Variants in IQGAP2 observed in about 807,000 individuals in gnomAD.
IQGAP2 encodes the protein IQ motif containing GTPase activating protein 2.
Under a neutral mutation model 201.3 loss-of-function variants are expected in IQGAP2, and 173 were observed. The ratio of observed to expected loss-of-function variants is 0.86; its 90% CI spans 0.76 to 0.98. IQGAP2 has a LOEUF of 0.98. Among genes scored for constraint, IQGAP2 ranks in the 50% least tolerant of loss-of-function variants. The probability of loss-of-function intolerance (pLI) is 0.00; values close to 1 mark genes in which losing one functional copy is unlikely to be tolerated. For synonymous variants in IQGAP2, 675 were observed against 673.9 expected, an observed-to-expected ratio of 1.00 and a Z score of -0.03; for missense variants, 1,687 against 1,864.8, an observed-to-expected ratio of 0.90 and a Z score of 1.76.
chr5:76,409,577 G>A (rs1336239594), intron 1 of IQGAP2, among the ~76,000 whole-genome samples: 1 of 152,082 alleles, frequency 6.6e-6, no homozygotes. Context: ...ATACATCCAA[G>A]CTTCATCAAA....
At chr5:76,427,886 G>A (rs1374861056) in intron 1 of IQGAP2, among the ~76,000 whole-genome samples, 1 of 152,246 alleles carries the variant, frequency 6.6e-6, no homozygotes, top group African/African-American at 2.4e-5. Flanking sequence ...GTGCGGGGCT[G>A]CTCGCAGACC....
intron 17 of IQGAP2, among the ~76,000 whole-genome samples, chr5:76,650,349 A>G (rs1752419662): frequency 6.6e-6 from 1 of 152,258 alleles, no homozygotes; most frequent in African/African-American, 2.4e-5. Context: ...TTGCCTTTAT[A>G]AAGTAGCTAG....
intron 5 of IQGAP2, among the ~76,000 whole-genome samples, chr5:76,576,442 T>G (rs1580498504): frequency 6.6e-6 from 1 of 152,220 alleles, no homozygotes; most frequent in East Asian, 1.9e-4. Flanking sequence ...ACAAAGATTA[T>G]TCTAAAAATC....
chr5:76,481,648 T>C (rs879748922), intron 2 of IQGAP2, among the ~76,000 whole-genome samples: 4 of 152,156 alleles, frequency 2.6e-5, no homozygotes, highest in Non-Finnish European at 4.4e-5. Context: ...CCTCCCAAAG[T>C]GCAGGGATTA....
chr5:76,584,415 C>T (rs559093767), intron 5 of IQGAP2, among the ~76,000 whole-genome samples: 2 of 152,144 alleles, frequency 1.3e-5, no homozygotes, highest in African/African-American at 2.4e-5. Flanking sequence ...AGACAGAATT[C>T]GATTGACTGA....
At chr5:76,689,536 T>C (rs778314305) in intron 30 of IQGAP2, among the ~76,000 whole-genome samples, 4 of 152,196 alleles carry the variant, frequency 2.6e-5, no homozygotes, top group Admixed American at 2.0e-4. Context: ...TAATTAAGCT[T>C]AGTTTCCCAC....
intron 2 of IQGAP2, among the ~76,000 whole-genome samples, chr5:76,487,871 A>G (rs1160329087): frequency 1.3e-5 from 2 of 152,232 alleles, no homozygotes; most frequent in African/African-American, 4.8e-5. Context: ...GAATATGTCC[A>G]GTCCTTTTCA....
At chr5:76,685,677 C>T (rs1580817136) in intron 30 of IQGAP2, among the ~76,000 whole-genome samples, 1 of 144,224 alleles carries the variant, frequency 6.9e-6, no homozygotes, top group East Asian at 1.9e-4. Flanking sequence ...AGCCTCTGCC[C>T]TTGTGTGGCT....
intron 1 of IQGAP2, chr5:76,404,428 C>A: frequency 1.0e-6 from 1 of 982,784 alleles, no homozygotes; most frequent in Non-Finnish European, 1.2e-6. Context: ...TCCTTTAAAA[C>A]AAACAGAAAG....
chr5:76,551,875 GGGGGAGGGGGAGGGGAGGGGGA>G (rs1294678167), intron 2 of IQGAP2, among the ~76,000 whole-genome samples: 1 of 145,112 alleles, frequency 6.9e-6, no homozygotes, highest in Non-Finnish European at 1.5e-5. Context: ...GAGACGGAGA[GGGGGAGGGGGAGGGGAGGGGGA>G]GGGGAGGGGG....
Position 76,403,453 on chromosome 5 carries a change from C to A in IQGAP2, c.-93C>A. The stretch of plus-strand genomic sequence containing the variant: ...GGGGAAATCGGCGAGAGGCGGGATC[C>A]GAGCGCGCCGGCGGGGCGCAGAGCC... On this transcript the variant is annotated 5_prime_UTR_variant, in exon 1 of 36. Transcript: ENST00000274364. This position sits in a 1 kb window ranked among gnomAD's most constrained non-coding sequence, Gnocchi z 4.8. 2 of 983,216 alleles carry A rather than the reference C, an allele frequency of 2.0e-6. No individual in the cohort carries two copies. The highest frequency in any genetic ancestry group is 2.7e-6 in the Non-Finnish European group (2 of 739,446). 60.9% of individuals were successfully genotyped at this position (983,216 alleles called of 1,614,324 possible).
intron 11 of IQGAP2, among the ~76,000 whole-genome samples, chr5:76,602,353 A>G (rs767801499): frequency 2.0e-5 from 3 of 152,174 alleles, no homozygotes; most frequent in African/African-American, 7.2e-5. Flanking sequence ...AACTGTCAAG[A>G]CTATTCCACA....
intron 18 of IQGAP2, among the ~76,000 whole-genome samples, chr5:76,653,441 G>C (rs1035956119): frequency 6.6e-6 from 1 of 152,140 alleles, no homozygotes; most frequent in Non-Finnish European, 1.5e-5. Flanking sequence ...AATGGAACTG[G>C]AAAGTAGAAT....
At chr5:76,410,140 A>C (rs1419301878) in intron 1 of IQGAP2, among the ~76,000 whole-genome samples, 1 of 152,222 alleles carries the variant, frequency 6.6e-6, no homozygotes. Flanking sequence ...AAAAATGCTT[A>C]TACTTTTAGT....
intron 2 of IQGAP2, among the ~76,000 whole-genome samples, chr5:76,523,892 G>C (rs1561437018): frequency 6.6e-6 from 1 of 152,000 alleles, no homozygotes; most frequent in African/African-American, 2.4e-5. Context: ...TCTCCACCTC[G>C]GACACACTGT....
rs59781605 is a variant in IQGAP2 at position 76,471,364 on chromosome 5, CAAAA to C, written c.146+9714_146+9717del. Among the ~76,000 whole-genome samples the C allele has an allele frequency of 9.5e-4, 69 of 72,508 alleles. No individual in the cohort carries two copies. In the East Asian group the frequency reaches 0.012, roughly 13 times the overall value. The allele number at this position is 72,508 out of a possible 152,430, so 47.6% of individuals were successfully genotyped here. A position where few individuals can be genotyped will look rare whatever the true frequency, so the allele number is the denominator to read the frequency against. On this transcript the variant is annotated intron_variant, in intron 2 of 35. Coordinates refer to ENST00000274364, the MANE Select transcript of IQGAP2 (RefSeq NM_006633.5). The stretch of plus-strand genomic sequence containing the variant: ...GTCCTACCTCTGAAAATAAACTAAG[CAAAA>C]AAAAAAAAAAAAAAAAAACACCCTT...
intron 21 of IQGAP2, among the ~76,000 whole-genome samples, chr5:76,661,206 T>A (rs1328878374): frequency 2.2e-5 from 3 of 135,572 alleles, no homozygotes. Context: ...CTCTTGCTAG[T>A]AACCTTAACA....
intron 2 of IQGAP2, among the ~76,000 whole-genome samples, chr5:76,497,974 C>T (rs532384149): frequency 6.6e-6 from 1 of 152,206 alleles, no homozygotes; most frequent in East Asian, 1.9e-4. Flanking sequence ...TTTTATGATT[C>T]CATGTACTCA....
At chr5:76,433,328 A>T (rs902231220) in intron 1 of IQGAP2, among the ~76,000 whole-genome samples, 5 of 152,080 alleles carry the variant, frequency 3.3e-5, no homozygotes, top group Non-Finnish European at 7.4e-5. Context: ...TCTTAGATTT[A>T]AGTCTTTGAT....
Sources: gnomAD v4.1 joint callset for allele counts (sites outside exome capture counted in the v4.1 genomes callset) on GRCh38, gnomAD v4.1.1 for gene constraint, Gnocchi (gnomAD v3.1) non-coding constraint, MANE v1.5 for transcripts, NCBI Gene and HGNC (gene_info 2026-07-23, HGNC 2026-07-21) for gene names.